The following SOX6 variants were observed in gnomAD, a reference collection of about 807,000 sequenced individuals.
SOX6 encodes transcription factor SOX-6.
Under a neutral mutation model 97.8 loss-of-function variants are expected in SOX6, and 11 were observed. The observed-to-expected ratio is 0.11, with a 90% CI of 0.07 to 0.19. The LOEUF is 0.19. SOX6 is among the 10% of genes least tolerant of loss of function. The pLI, the probability that SOX6 is intolerant of heterozygous loss-of-function variation, is 1.00. For missense variants in SOX6, 810 were observed against 1,039.5 expected, an observed-to-expected ratio of 0.78 and a Z score of 3.04; for synonymous variants, 360 against 371.4, an observed-to-expected ratio of 0.97 and a Z score of 0.35.
chr11:16,523,178 A>G (rs1055863575), intron 4 of SOX6, among the ~76,000 whole-genome samples: 1 of 151,626 alleles, frequency 6.6e-6, no homozygotes, highest in Non-Finnish European at 1.5e-5. Context: ...CAGAATATAC[A>G]TTTTTTTTCA....
intron 3 of SOX6, among the ~76,000 whole-genome samples, chr11:16,686,802 G>T (rs931524123): frequency 6.6e-6 from 1 of 152,182 alleles, no homozygotes; most frequent in African/African-American, 2.4e-5. Context: ...TTCTTGCATT[G>T]CTATAAAGAA....
At chr11:16,705,272 A>G (rs1025256416) in intron 3 of SOX6, among the ~76,000 whole-genome samples, 7 of 151,938 alleles carry the variant, frequency 4.6e-5, no homozygotes, top group Admixed American at 4.6e-4. Flanking sequence ...AAGAAAAAAA[A>G]AAAGAAAGAA....
intron 9 of SOX6, among the ~76,000 whole-genome samples, chr11:16,083,371 C>G (rs1305589278): frequency 6.6e-6 from 1 of 152,182 alleles, no homozygotes; most frequent in Non-Finnish European, 1.5e-5. Context: ...TTAGCATAAG[C>G]TTATATTCTA....
chr11:16,106,589 C>A (rs1256342528), intron 7 of SOX6, among the ~76,000 whole-genome samples: 2 of 151,956 alleles, frequency 1.3e-5, no homozygotes, highest in African/African-American at 2.4e-5. Flanking sequence ...ATACAAAAAT[C>A]AACTCAAATG....
intron 4 of SOX6, among the ~76,000 whole-genome samples, chr11:16,538,140 G>A (rs11023980): frequency 0.25 from 37,552 of 151,934 alleles, 5,156 homozygotes; most frequent in East Asian, 0.49. Context: ...TGCAGAAACC[G>A]TACAAGCCAG....
At chr11:16,594,708 T>TTTTA (rs1848192554) in intron 4 of SOX6, among the ~76,000 whole-genome samples, 1 of 144,386 alleles carries the variant, frequency 6.9e-6, no homozygotes, top group African/African-American at 2.6e-5. Context: ...TTTTTTTTTT[T>TTTTA]TAGACAGGGT....
In SOX6 at chr11:15,994,435, T is replaced by TA. The variant is rs5789931; in HGVS notation, c.1733-5206dup. Among the ~76,000 whole-genome samples the TA allele has an allele frequency of 3.7e-3, 496 of 135,888 alleles. 6 individuals carry two copies. In the East Asian group the frequency reaches 0.041, roughly 11 times the overall value. 89.1% of individuals were successfully genotyped at this position (135,888 alleles called of 152,430 possible). A position where few individuals can be genotyped will look rare whatever the true frequency, so the allele number is the denominator to read the frequency against. On this transcript the variant is annotated intron_variant, in intron 13 of 15. Transcript: ENST00000683767. ...AAGCTGGCGATGGCTTGGGTTTATG[T>TA]AAAAAAAAAAAAAAAGGGGAGTATA...
upstream of SOX6, among the ~76,000 whole-genome samples, chr11:16,359,505 A>G (rs1219393927): frequency 1.3e-5 from 2 of 152,108 alleles, no homozygotes. Context: ...AGGATGACTC[A>G]TCCAAAAGGT....
intron 6 of SOX6, among the ~76,000 whole-genome samples, chr11:16,114,235 T>C (rs566854375): frequency 2.6e-5 from 4 of 152,188 alleles, no homozygotes; most frequent in Non-Finnish European, 5.9e-5. Flanking sequence ...CATGCATTTA[T>C]TTATCGAGGA....
intron 12 of SOX6, among the ~76,000 whole-genome samples, chr11:16,046,199 G>A (rs1385153836): frequency 6.6e-6 from 1 of 151,860 alleles, no homozygotes; most frequent in African/African-American, 2.4e-5. Flanking sequence ...TTAATATTCT[G>A]GTACTCTACT....
At chr11:16,079,474 T>C (rs1262527502) in intron 9 of SOX6, among the ~76,000 whole-genome samples, 14 of 152,136 alleles carry the variant, frequency 9.2e-5, no homozygotes. Flanking sequence ...AGGTATTTAA[T>C]TTCTCAGCAG....
chr11:16,052,028 G>A (rs960964473), intron 10 of SOX6, among the ~76,000 whole-genome samples: 1 of 151,732 alleles, frequency 6.6e-6, no homozygotes, highest in African/African-American at 2.4e-5. Flanking sequence ...TTCATCTGTA[G>A]ACATTTGATT....
At chr11:16,177,743 G>GA (rs766272036) in intron 6 of SOX6, among the ~76,000 whole-genome samples, 35 of 145,826 alleles carry the variant, frequency 2.4e-4, no homozygotes, top group South Asian at 8.7e-4. Flanking sequence ...AAGGATCAAG[G>GA]AAAAAAAAAA....
chr11:16,176,059 AGACGGACG>A (rs879303702), intron 6 of SOX6, among the ~76,000 whole-genome samples: 1 of 125,858 alleles, frequency 7.9e-6, no homozygotes, highest in Non-Finnish European at 1.7e-5. Context: ...ATGGACGGAC[AGACGGACG>A]GACGGATGGA....
chr11:16,008,652 T>C (rs1211696690), intron 13 of SOX6, among the ~76,000 whole-genome samples: 1 of 152,100 alleles, frequency 6.6e-6, no homozygotes, highest in Non-Finnish European at 1.5e-5. Context: ...CAATGGAAAT[T>C]GTTTTCTACC....
chr11:16,359,932 G>A (rs1011578985), upstream of SOX6, among the ~76,000 whole-genome samples: 4 of 152,138 alleles, frequency 2.6e-5, no homozygotes, highest in Non-Finnish European at 5.9e-5. Flanking sequence ...AGCTAAGTGA[G>A]GCTTAGAAGT....
chr11:16,330,164 G>C (rs1856242034), intron 2 of SOX6, among the ~76,000 whole-genome samples: 1 of 152,108 alleles, frequency 6.6e-6, no homozygotes, highest in South Asian at 2.1e-4. Context: ...GAATTCCTTA[G>C]AGATGTCATG....
At chr11:16,029,854 A>G (rs1186361370) in intron 12 of SOX6, among the ~76,000 whole-genome samples, 1 of 152,202 alleles carries the variant, frequency 6.6e-6, no homozygotes, top group Non-Finnish European at 1.5e-5. Context: ...TACAAGCTAC[A>G]AAAGTTTTTA....
In SOX6 at chr11:16,204,979, T is replaced by C. The variant is rs1043093240; in HGVS notation, c.536-18024A>G. On this transcript the variant is annotated intron_variant, in intron 4 of 15. Transcript: ENST00000683767. ...TTTAAAAAAAAATCAAGGGAAATAA[T>C]GCACTTTAAATCTCTCTTGGTAGAT... Among the ~76,000 whole-genome samples the C allele has an allele frequency of 2.0e-5, 3 of 152,260 alleles. No individual in the cohort carries two copies. The South Asian group carries it at 6.2e-4, about 32-fold the overall frequency.
Sources: gnomAD v4.1 joint callset for allele counts (sites outside exome capture counted in the v4.1 genomes callset) on GRCh38, gnomAD v4.1.1 for gene constraint, MANE v1.5 for transcripts, NCBI Gene and HGNC (gene_info 2026-07-23, HGNC 2026-07-21) for gene names.